Variants in ERCC6L2 observed in about 807,000 individuals in gnomAD.
ERCC6L2 encodes the protein ERCC excision repair 6 like 2.
ERCC6L2 carries 77 observed loss-of-function variants against 132.0 expected under a neutral mutation model. That is an observed-to-expected ratio of 0.58 (90% CI 0.49 to 0.71). The LOEUF (loss-of-function observed/expected upper bound fraction) is 0.71. Ranked by LOEUF, ERCC6L2 falls within the 30% of genes least tolerant of loss-of-function variation. The pLI, the probability that ERCC6L2 is intolerant of heterozygous loss-of-function variation, is 0.00. For missense variants in ERCC6L2, 1,542 were observed against 1,837.6 expected (o/e 0.84, Z 2.94); for synonymous variants, 583 against 632.4 (o/e 0.92, Z 1.17).
chr9:95,941,465 T>G lies in ERCC6L2; in HGVS notation c.1763T>G (p.Leu588Arg). 6.2e-7 allele frequency: 1 copy of G among 1,611,982 alleles called. No individual in the cohort carries two copies. The highest frequency in any genetic ancestry group is 1.1e-5 in the South Asian group (1 of 90,948). The change falls in exon 12 of 19, where the codon CTA becomes CGA. Residue 588 changes from leucine (L) to arginine (R), a missense_variant. This residue lies in a region of ERCC6L2 where 945 missense variants were observed against 1,105.2 expected (regional missense o/e 0.86). Coordinates refer to ENST00000653738, the MANE Select transcript of ERCC6L2 (RefSeq NM_020207.7). ...TCTCTTTCCTCCAGGGCTGGTGGACTAGGCCTCAATTTTGTCGGTGCCAAT... is the reference window on the plus strand; with the variant it reads ...TCTCTTTCCTCCAGGGCTGGTGGACGAGGCCTCAATTTTGTCGGTGCCAAT... Reference protein sequence around the residue: ...ICLVSTMAGGLGLNFVGANVV... With the variant: ...ICLVSTMAGGRGLNFVGANVV...
chr9:96,007,565 C>G (rs1430024605), intron 18 of ERCC6L2, among the ~76,000 whole-genome samples: 1 of 152,170 alleles, frequency 6.6e-6, no homozygotes, highest in Non-Finnish European at 1.5e-5. Context: ...GGTCTGGAAG[C>G]AGCATTGTCT....
intron 19 of ERCC6L2, among the ~76,000 whole-genome samples, chr9:96,030,917 C>T (rs1374313968): frequency 6.6e-6 from 1 of 152,158 alleles, no homozygotes; most frequent in Non-Finnish European, 1.5e-5. Flanking sequence ...GAAGCCTTTG[C>T]CCAGGCTTTC....
intron 12 of ERCC6L2, among the ~76,000 whole-genome samples, chr9:95,953,134 G>A (rs1376939040): frequency 2.6e-5 from 4 of 152,182 alleles, no homozygotes; most frequent in African/African-American, 9.6e-5. Flanking sequence ...AGTGCCTGTA[G>A]CTATATAGGT....
At chr9:96,018,807 A>C (rs112783233), downstream of ERCC6L2, among the ~76,000 whole-genome samples, 23 of 152,244 alleles carry the variant, frequency 1.5e-4, no homozygotes, top group East Asian at 3.1e-3. Context: ...TTATTGCCTA[A>C]GTTTCCATTA....
At position 96,008,789 on chromosome 9, in the gene ERCC6L2, C is replaced by T. The variant is rs1256202365; in HGVS notation, c.3675-3436C>T. Among the ~76,000 whole-genome samples the T allele has an allele frequency of 4.6e-5, 7 of 152,226 alleles. 1 individual carries two copies. The highest frequency in any genetic ancestry group is 3.8e-4 in the East Asian group (2 of 5,198). On this transcript the variant is annotated intron_variant, in intron 18 of 18. Transcript: ENST00000653738. Reference sequence around the variant, plus strand: ...AGACCCTTGCTAGCTAGTCATGCTGCGGCTTCGTTGAAGTCACATGCTGGG... The same window carrying T: ...AGACCCTTGCTAGCTAGTCATGCTGTGGCTTCGTTGAAGTCACATGCTGGG...
chr9:95,972,210 C>A lies in ERCC6L2; in HGVS notation c.2459C>A (p.Ser820Tyr). Residue 820 changes from serine (S) to tyrosine (Y), a missense_variant, in exon 16 of 19, where the codon TCT becomes TAT. This residue lies in a region of ERCC6L2 where 945 missense variants were observed against 1,105.2 expected (regional missense o/e 0.86). Transcript: ENST00000653738. ...DGNTASDDES[S>Y]DEQPTCLSTE... is the part of the protein sequence containing the mutation. ...AATACTGCCTCTGATGATGAAAGTT[C>A]TGATGAGCAGCCCACATGCCTTTCA... is the stretch of plus-strand genomic sequence containing the variant. 2 of 1,304,244 alleles carry A rather than the reference C, an allele frequency of 1.5e-6. No individual in the cohort carries two copies. The highest frequency in any genetic ancestry group is 2.0e-6 in the Non-Finnish European group (2 of 988,934). The allele number at this position is 1,304,244 out of a possible 1,614,324, so 80.8% of individuals were successfully genotyped here. A position where few individuals can be genotyped will look rare whatever the true frequency, so the allele number is the denominator to read the frequency against.
intron 19 of ERCC6L2, among the ~76,000 whole-genome samples, chr9:96,035,342 C>T (rs886164038): frequency 2.0e-5 from 3 of 152,178 alleles, no homozygotes; most frequent in East Asian, 1.9e-4. Context: ...CTTCCGAGCC[C>T]GCCCCTGGCT....
intron 19 of ERCC6L2, among the ~76,000 whole-genome samples, chr9:96,033,490 G>A (rs935093024): frequency 1.3e-5 from 2 of 152,276 alleles, no homozygotes; most frequent in Non-Finnish European, 2.9e-5. Context: ...CAGGTGATCC[G>A]CCTGCCTTGG....
At chr9:95,986,920 G>A (rs2133143814) in intron 17 of ERCC6L2, among the ~76,000 whole-genome samples, 1 of 152,272 alleles carries the variant, frequency 6.6e-6, no homozygotes, top group South Asian at 2.1e-4. Context: ...TGGCTGAGGA[G>A]GCCTCACAAT....
intron 4 of ERCC6L2, among the ~76,000 whole-genome samples, chr9:95,909,326 CG>C (rs901087394): frequency 1.7e-4 from 26 of 152,100 alleles, no homozygotes; most frequent in Non-Finnish European, 4.4e-5. Flanking sequence ...AAAGTGGCCA[CG>C]GGCTGGATTT....
chr9:95,976,799 C>T (rs2133101867), intron 16 of ERCC6L2, among the ~76,000 whole-genome samples: 1 of 152,278 alleles, frequency 6.6e-6, no homozygotes, highest in South Asian at 2.1e-4. Flanking sequence ...GCATTGCCTT[C>T]ACAAGTGTCT....
At chr9:95,931,002 A>G (rs147829267) in intron 11 of ERCC6L2, among the ~76,000 whole-genome samples, 7 of 152,310 alleles carry the variant, frequency 4.6e-5, no homozygotes, top group African/African-American at 1.7e-4. Context: ...TGAAGGCAAA[A>G]AAGCGTTTAC....
chr9:95,972,207 GT>G lies in ERCC6L2; in HGVS notation c.2458del (p.Ser820LeufsTer32), dbSNP rs1398477192. The G allele has an allele frequency of 7.7e-7, 1 of 1,304,260 alleles. No homozygotes were observed. The highest frequency in any genetic ancestry group is 1.2e-5 in the South Asian group (1 of 81,028). The allele number at this position is 1,304,260 out of a possible 1,614,324, so 80.8% of individuals were successfully genotyped here. On this transcript the variant is annotated frameshift_variant, in exon 16 of 19. Transcript: ENST00000653738. LOFTEE classifies it high-confidence loss of function. ...SDGNTASDDESSDEQPTCLST... is the reference protein window; with the variant it reads ...SDGNTASDDEXSDEQPTCLST... ...GGAAATACTGCCTCTGATGATGAAAGTTCTGATGAGCAGCCCACATGCCTTT... is the reference window on the plus strand; with the variant it reads ...GGAAATACTGCCTCTGATGATGAAAGTCTGATGAGCAGCCCACATGCCTTT...
At position 96,018,177 on chromosome 9, in the gene ERCC6L2, G is replaced by A. The variant is rs1249983166; in HGVS notation, c.*4974G>A. 6.6e-6 allele frequency among the ~76,000 whole-genome samples: 1 copy of A among 152,170 alleles called. No homozygotes were observed. Among genetic ancestry groups the A allele is most frequent in the Non-Finnish European group, 1.5e-5 (1 of 68,028 alleles). On this transcript the variant is annotated 3_prime_UTR_variant, in exon 19 of 19. Coordinates refer to ENST00000653738, the MANE Select transcript of ERCC6L2 (RefSeq NM_020207.7). ...GATGGATGGTCGTGATGGTTGCACA[G>A]CAATGTGAATTTAATGACACTGAAG...
In ERCC6L2 at chr9:95,915,771, G is replaced by A; in HGVS notation, c.892G>A (p.Gly298Ser). The A allele has an allele frequency of 6.2e-7, 1 of 1,613,912 alleles. No individual in the cohort carries two copies. The highest frequency in any genetic ancestry group is 8.5e-7 in the Non-Finnish European group (1 of 1,179,860). The change falls in exon 5 of 19, where the codon GGC (glycine) becomes AGC (serine). Residue 298 changes from glycine (G) to serine (S), a missense_variant. Gly to Ser is a moderately conservative substitution (Grantham distance 56). This residue lies in a region of ERCC6L2 where 945 missense variants were observed against 1,105.2 expected (regional missense o/e 0.86). Coordinates refer to ENST00000653738, the MANE Select transcript of ERCC6L2 (RefSeq NM_020207.7). ...AGCTTTGAAATGTAATGTCCGCATT[G>A]GCCTCACTGGAACCATCCTTCAGAA... is the stretch of plus-strand genomic sequence containing the variant. The part of the protein sequence containing the change: ...MKALKCNVRI[G>S]LTGTILQNNM...
chr9:95,893,019 T>C (rs1363376084), intron 2 of ERCC6L2, among the ~76,000 whole-genome samples: 2 of 152,214 alleles, frequency 1.3e-5, no homozygotes, highest in African/African-American at 4.8e-5. Flanking sequence ...TTTTAGAATT[T>C]TATTTTAATT....
intron 2 of ERCC6L2, among the ~76,000 whole-genome samples, chr9:95,886,629 T>C (rs1291160338): frequency 1.3e-5 from 2 of 152,240 alleles, no homozygotes; most frequent in South Asian, 2.1e-4. Context: ...GTACTCACTC[T>C]GGGCCAGGCA....
chr9:96,027,219 G>C (rs1218152793), intron 19 of ERCC6L2, among the ~76,000 whole-genome samples: 2 of 150,332 alleles, frequency 1.3e-5, no homozygotes, highest in Non-Finnish European at 1.5e-5. Context: ...CCACACCCCC[G>C]CCTCCAACAC....
chr9:95,920,838 G>C (rs1310790124), intron 6 of ERCC6L2, among the ~76,000 whole-genome samples: 1 of 151,784 alleles, frequency 6.6e-6, no homozygotes, highest in African/African-American at 2.4e-5. Flanking sequence ...GTGCAGTGGC[G>C]TGATCTCAGC....
Sources: allele counts gnomAD v4.1 joint callset (sites outside exome capture counted in the v4.1 genomes callset), GRCh38; gene constraint gnomAD v4.1.1; regional missense constraint gnomAD v4.1.1; transcripts MANE v1.5; gene names NCBI Gene and HGNC (gene_info 2026-07-23, HGNC 2026-07-21).